The following IRAG1 variants were observed in gnomAD, a reference collection of about 807,000 sequenced individuals.
IRAG1 encodes the protein inositol 1,4,5-triphosphate receptor associated 1, also known as IP3R-associated cGMP kinase substrate.
IRAG1 carries 62 observed loss-of-function variants against 106.2 expected under a neutral mutation model. The observed-to-expected ratio is 0.58, with a 90% CI of 0.48 to 0.72. The LOEUF (loss-of-function observed/expected upper bound fraction) is 0.72, where lower values mean the gene tolerates loss of function less well. IRAG1 is among the 30% of genes least tolerant of loss of function. The probability of loss-of-function intolerance (pLI) is 0.00; values close to 1 mark genes in which losing one functional copy is unlikely to be tolerated. For synonymous variants in IRAG1, 462 were observed against 443.9 expected, an observed-to-expected ratio of 1.04 and a Z score of -0.51; for missense variants, 1,064 against 1,140.7, an observed-to-expected ratio of 0.93 and a Z score of 0.97.
chr11:10,639,559 G>C (rs1857372064), intron 2 of IRAG1, among the ~76,000 whole-genome samples: 1 of 152,088 alleles, frequency 6.6e-6, no homozygotes, highest in Non-Finnish European at 1.5e-5. Flanking sequence ...AACATGAAAG[G>C]GGAACAAATC....
intron 18 of IRAG1, among the ~76,000 whole-genome samples, chr11:10,586,738 C>T (rs1240457897): frequency 6.6e-6 from 1 of 152,088 alleles, no homozygotes; most frequent in African/African-American, 2.4e-5. Context: ...CTTTATGCTG[C>T]CACCGCACCT....
chr11:10,689,968 CT>C (rs1188132860), intron 1 of IRAG1, among the ~76,000 whole-genome samples: 2 of 152,098 alleles, frequency 1.3e-5, no homozygotes, highest in Non-Finnish European at 1.5e-5. Flanking sequence ...ACATGCATTA[CT>C]TTTTTTTCTA....
chr11:10,677,173 C>T (rs968625148), intron 1 of IRAG1, among the ~76,000 whole-genome samples: 2 of 152,162 alleles, frequency 1.3e-5, no homozygotes, highest in Non-Finnish European at 2.9e-5. Context: ...CACTCTGAAA[C>T]GCTCCCTCCA....
At chr11:10,578,869 GTTCT>G (rs751498403) in intron 20 of IRAG1, among the ~76,000 whole-genome samples, 26 of 152,064 alleles carry the variant, frequency 1.7e-4, no homozygotes, top group Non-Finnish European at 2.9e-4. Flanking sequence ...TTTCTCTTTT[GTTCT>G]TTCTCAGTGT....
chr11:10,681,345 A>G (rs572873171), intron 1 of IRAG1, among the ~76,000 whole-genome samples: 2 of 152,370 alleles, frequency 1.3e-5, no homozygotes, highest in African/African-American at 2.4e-5. Flanking sequence ...AATAAAAAAG[A>G]GAATAAATAG....
intron 10 of IRAG1, 97 bp from the exon 11 acceptor site, chr11:10,609,948 G>A (rs2134399362): frequency 8.2e-7 from 1 of 1,221,978 alleles, no homozygotes. Context: ...TAAGTATCTA[G>A]TTCTATGTTA....
chr11:10,639,083 C>G (rs899117964), intron 2 of IRAG1, among the ~76,000 whole-genome samples: 17 of 152,098 alleles, frequency 1.1e-4, no homozygotes, highest in Admixed American at 6.5e-4. Flanking sequence ...CCATGCCCAG[C>G]TAATTTTTGT....
intron 1 of IRAG1, among the ~76,000 whole-genome samples, chr11:10,684,544 A>G (rs374789944): frequency 6.6e-6 from 1 of 151,064 alleles, no homozygotes; most frequent in Non-Finnish European, 1.5e-5. Context: ...CCAGCATGGC[A>G]CATGTATACA....
intron 10 of IRAG1, among the ~76,000 whole-genome samples, chr11:10,616,786 G>A (rs750463556): frequency 6.6e-6 from 1 of 151,928 alleles, no homozygotes; most frequent in Non-Finnish European, 1.5e-5. Flanking sequence ...TTTAGTGTAA[G>A]CTATTTTTAC....
intron 20 of IRAG1, among the ~76,000 whole-genome samples, chr11:10,579,856 C>T (rs2134076085): frequency 6.6e-6 from 1 of 152,334 alleles, no homozygotes; most frequent in Middle Eastern, 3.4e-3. Flanking sequence ...CCTTCCCCAA[C>T]TTAGGGGAAA....
chr11:10,670,124 G>C (rs1204751016), intron 1 of IRAG1, among the ~76,000 whole-genome samples: 8 of 152,222 alleles, frequency 5.3e-5, no homozygotes, highest in African/African-American at 1.9e-4. Context: ...GCAAGGAGTA[G>C]CTACATCTTG....
At chr11:10,653,586 T>A (rs1858696487) in intron 1 of IRAG1, among the ~76,000 whole-genome samples, 1 of 152,152 alleles carries the variant, frequency 6.6e-6, no homozygotes, top group Non-Finnish European at 1.5e-5. Context: ...TGGAACCAGA[T>A]ATCTCGGTGT....
rs1045469446 is a variant in IRAG1 at position 10,628,947 on chromosome 11, G to A, written c.575-119C>T. ...ACTGGGTCTGCCTTGCTGGGCTCAGGGGCTGATGCTGGACTGCAATATGAT... is the reference window on the plus strand; with the variant it reads ...ACTGGGTCTGCCTTGCTGGGCTCAGAGGCTGATGCTGGACTGCAATATGAT... On this transcript the variant is annotated intron_variant, in intron 5 of 20. Coordinates refer to ENST00000423302, the MANE Select transcript of IRAG1 (RefSeq NM_130385.4). The surrounding 1 kb of genome is among the most constrained non-coding windows in gnomAD (Gnocchi z 4.1). The A allele has an allele frequency of 2.2e-6, 2 of 924,436 alleles. No individual in the cohort carries two copies. The highest frequency in any genetic ancestry group is 2.9e-5 in the East Asian group (1 of 34,338). The allele number at this position is 924,436 out of a possible 1,614,324, so 57.3% of individuals were successfully genotyped here. A position where few individuals can be genotyped will look rare whatever the true frequency, so the allele number is the denominator to read the frequency against.
At chr11:10,609,211 A>T (rs1854735427) in intron 11 of IRAG1, among the ~76,000 whole-genome samples, 1 of 152,094 alleles carries the variant, frequency 6.6e-6, no homozygotes, top group Non-Finnish European at 1.5e-5. Flanking sequence ...CTCTCATGTC[A>T]TTCTCTAGAT....
In IRAG1 at chr11:10,626,092, T is replaced by G. The variant is rs1856223953; in HGVS notation, c.1242A>C (p.Pro414=). 1 of 1,545,258 alleles carries G rather than the reference T, an allele frequency of 6.5e-7. No homozygotes were observed. The change falls in exon 9 of 21, where the codon CCA becomes CCC. Residue 414 remains proline, a synonymous_variant. Transcript: ENST00000423302. ...PRLQKVLAKL[P]LAEEEKRFAG... is the part of the protein sequence containing the mutation. The stretch of plus-strand genomic sequence containing the variant: ...CAAAACGCTTTTCTTCCTCTGCCAG[T>G]GGCAGCTTGGCAAGCACTTTCTGCA...
rs1186447223 is a variant in IRAG1 at position 10,647,204 on chromosome 11, GGGTATGGACTAAGCAT to G, written c.225+4805_225+4820del. ...CAGGGGCAGTAACAGTGCTCAGTGC[GGGTATGGACTAAGCAT>G]GGGCTTTGGGGTCAGGCTGCCTGGG... is the stretch of plus-strand genomic sequence containing the variant. On this transcript the variant is annotated intron_variant, in intron 2 of 20. Transcript: ENST00000423302. This position sits in a 1 kb window ranked among gnomAD's most constrained non-coding sequence, Gnocchi z 4.3. Among the ~76,000 whole-genome samples the G allele has an allele frequency of 6.6e-6, 1 of 152,192 alleles. No individual in the cohort carries two copies. The highest frequency in any genetic ancestry group is 1.5e-5 in the Non-Finnish European group (1 of 68,040).
At chr11:10,681,173 C>T (rs750865607) in intron 1 of IRAG1, among the ~76,000 whole-genome samples, 1 of 152,148 alleles carries the variant, frequency 6.6e-6, no homozygotes, top group African/African-American at 2.4e-5. Flanking sequence ...TTGTCACCAC[C>T]CACTACTCCT....
intron 1 of IRAG1, among the ~76,000 whole-genome samples, chr11:10,678,698 A>C (rs1332472227): frequency 6.6e-6 from 1 of 152,180 alleles, no homozygotes; most frequent in Non-Finnish European, 1.5e-5. Context: ...ATTGTTTAGA[A>C]ATGCCCTCTT....
chr11:10,625,601 C>T (rs1856180905), intron 9 of IRAG1, among the ~76,000 whole-genome samples: 1 of 152,106 alleles, frequency 6.6e-6, no homozygotes, highest in Non-Finnish European at 1.5e-5. Context: ...ACTGGGCACT[C>T]CATCAAGGGA....
Sources: gnomAD v4.1 joint callset for allele counts (sites outside exome capture counted in the v4.1 genomes callset) on GRCh38, gnomAD v4.1.1 for gene constraint, Gnocchi (gnomAD v3.1) non-coding constraint, MANE v1.5 for transcripts, NCBI Gene and HGNC (gene_info 2026-07-23, HGNC 2026-07-21) for gene names.